RFWD3: variants seen among roughly 807,000 people sequenced by gnomAD.
RFWD3 encodes E3 ubiquitin-protein ligase RFWD3.
RFWD3 carries 65 observed loss-of-function variants against 87.7 expected under a neutral mutation model. The observed-to-expected ratio is 0.74, with a 90% CI of 0.61 to 0.91. The LOEUF is 0.91. RFWD3 is among the 40% of genes least tolerant of loss of function. The pLI is 0.00. For synonymous variants in RFWD3, 433 were observed against 352.8 expected (o/e 1.23, Z -2.55); for missense variants, 1,078 against 938.5 (o/e 1.15, Z -1.94).
intron 2 of RFWD3, among the ~76,000 whole-genome samples, chr16:74,660,089 A>G (rs1376606740): frequency 1.3e-5 from 2 of 152,076 alleles, no homozygotes; most frequent in Non-Finnish European, 2.9e-5. Context: ...AAGAAAGAGA[A>G]AACAAAGGGA....
At chr16:74,659,086 T>G (rs772644101) in intron 2 of RFWD3, among the ~76,000 whole-genome samples, 2 of 152,178 alleles carry the variant, frequency 1.3e-5, no homozygotes, top group Non-Finnish European at 2.9e-5. Context: ...TCACTAGAGT[T>G]TGGCTTCTGT....
At chr16:74,626,639 C>T (rs937383189) in intron 11 of RFWD3, 85 bp from the exon 12 acceptor site, 25 of 1,046,406 alleles carry the variant, frequency 2.4e-5, no homozygotes, top group Non-Finnish European at 2.3e-5. Context: ...CGCTTACAAC[C>T]TAGTTGGATG....
intron 12 of RFWD3, among the ~76,000 whole-genome samples, chr16:74,624,949 A>C (rs896280421): frequency 6.6e-6 from 1 of 152,156 alleles, no homozygotes; most frequent in East Asian, 1.9e-4. Flanking sequence ...TGATTGCACT[A>C]CTGCACTCCA....
chr16:74,634,392 A>G (rs1959176481), intron 8 of RFWD3, among the ~76,000 whole-genome samples: 1 of 151,572 alleles, frequency 6.6e-6, no homozygotes, highest in Admixed American at 6.6e-5. Context: ...ATATATATAT[A>G]TATATATTTT....
At chr16:74,626,311 T>C (rs1400355789) in intron 12 of RFWD3, 32 bp downstream of exon 12, 1 of 1,597,538 alleles carries the variant, frequency 6.3e-7, no homozygotes, top group East Asian at 2.2e-5. Context: ...AAAACTACTT[T>C]TTATATGAAA....
At chr16:74,662,244 G>A (rs1050156673) in intron 1 of RFWD3, among the ~76,000 whole-genome samples, 2 of 152,068 alleles carry the variant, frequency 1.3e-5, no homozygotes, top group Admixed American at 6.6e-5. Flanking sequence ...CAACAGGACT[G>A]AGCCACTGTG....
intron 6 of RFWD3, 132 bp from the exon 7 acceptor site, chr16:74,638,102 A>G: frequency 1.8e-6 from 1 of 561,854 alleles, no homozygotes; most frequent in Non-Finnish European, 3.2e-6. Flanking sequence ...TGAATAAAAT[A>G]TAAAAAGAGA....
rs200695479 is a variant in RFWD3, at chr16:74,644,626, C to T, written c.902G>A (p.Arg301Gln). The T allele has an allele frequency of 3.1e-6, 5 of 1,614,184 alleles. No homozygotes were observed. The highest frequency in any genetic ancestry group is 2.2e-5 in the South Asian group (2 of 91,084). The change falls in exon 5 of 13, where the codon CGG (arginine) becomes CAG (glutamine). Residue 301 changes from arginine (R) to glutamine (Q), a missense_variant. By Grantham distance (43) the Arg-to-Gln change is conservative (BLOSUM62 1). Coordinates refer to ENST00000361070, the MANE Select transcript of RFWD3 (RefSeq NM_018124.4). Reference sequence around the variant, plus strand: ...ATGCCCACAGCGTAATGCTGAGAGCCGGTGGTCCCCAGCATTGGTCCACTG... The same window carrying T: ...ATGCCCACAGCGTAATGCTGAGAGCTGGTGGTCCCCAGCATTGGTCCACTG... ...LEQWTNAGDH[R>Q]LSALRCGHLF...
rs770142776 is a variant in RFWD3, at chr16:74,623,039, G to C, written c.*889C>G. The stretch of plus-strand genomic sequence containing the variant: ...TCTTTTCTCCTGATCTCTGACACTA[G>C]GGGAGACTCAAGTAAAAGCTTTGAC... On this transcript the variant is annotated 3_prime_UTR_variant, in exon 13 of 13. Coordinates refer to ENST00000361070, the MANE Select transcript of RFWD3 (RefSeq NM_018124.4). The C allele has an allele frequency of 2.6e-5, 4 of 152,116 alleles. No homozygotes were observed. The highest frequency in any genetic ancestry group is 5.9e-5 in the Non-Finnish European group (4 of 68,010). 9.4% of individuals were successfully genotyped at this position (152,116 alleles called of 1,614,324 possible). A position where few individuals can be genotyped will look rare whatever the true frequency, so the allele number is the denominator to read the frequency against.
At chr16:74,628,112 C>G (rs1456656977) in intron 11 of RFWD3, among the ~76,000 whole-genome samples, 5 of 152,186 alleles carry the variant, frequency 3.3e-5, no homozygotes, top group Admixed American at 3.3e-4. Flanking sequence ...AAGTAAGAGG[C>G]AGGCAGAAGA....
intron 11 of RFWD3, among the ~76,000 whole-genome samples, 185 bp downstream of exon 11, chr16:74,628,267 C>A (rs970280774): frequency 6.6e-6 from 1 of 152,154 alleles, no homozygotes; most frequent in African/African-American, 2.4e-5. Flanking sequence ...ACGTAAGGAG[C>A]AGGGAGGCAG....
chr16:74,632,845 G>A, intron 8 of RFWD3, 172 bp from the exon 9 acceptor site: 4 of 601,510 alleles, frequency 6.6e-6, no homozygotes, highest in South Asian at 5.9e-5. Flanking sequence ...ATTTTTGAGA[G>A]TTGGCCAGGC....
At chr16:74,624,853 G>A (rs1213143775) in intron 12 of RFWD3, among the ~76,000 whole-genome samples, 1 of 152,136 alleles carries the variant, frequency 6.6e-6, no homozygotes, top group Non-Finnish European at 1.5e-5. Flanking sequence ...TTAGCCAGGT[G>A]TAGTGGTGCA....
intron 8 of RFWD3, 28 bp from the exon 9 acceptor site, chr16:74,632,701 G>A (rs1298536717): frequency 1.2e-6 from 2 of 1,610,166 alleles, no homozygotes; most frequent in East Asian, 2.2e-5. Context: ...GTATGAAATA[G>A]ATCACTGAAA....
chr16:74,651,580 G>C (rs551855980), intron 3 of RFWD3, among the ~76,000 whole-genome samples: 48 of 152,234 alleles, frequency 3.2e-4, no homozygotes, highest in Admixed American at 2.0e-3. Context: ...GATTGTTGTC[G>C]CTGCACTCCA....
rs755600679 is a variant in RFWD3 at position 74,644,418 on chromosome 16, G to C, written c.1023C>G (p.Val341=). Residue 341 remains valine, a synonymous_variant, in exon 6 of 13, where the codon GTC becomes GTG. Coordinates refer to ENST00000361070, the MANE Select transcript of RFWD3 (RefSeq NM_018124.4). ...NKKARHSDIV[V]LYARTLRALD... ...AAGCTCTCAGGGTTCGGGCATAAAG[G>C]ACGACAATGTCACTGTGCCTGGCTT... 1.4e-5 allele frequency: 22 copies of C among 1,614,074 alleles called. No individual in the cohort carries two copies. Among genetic ancestry groups the C allele is most frequent in the Non-Finnish European group, 1.9e-5 (22 of 1,180,054 alleles).
chr16:74,628,773 C>G, intron 10 of RFWD3, 107 bp from the exon 11 acceptor site: 1 of 868,900 alleles, frequency 1.2e-6, no homozygotes, highest in South Asian at 1.5e-5. Context: ...GGAGGTTAAA[C>G]GCCTTTAGTC....
Position 74,642,183 on chromosome 16 carries a change from C to T in RFWD3, c.1079+2179G>A, listed in dbSNP as rs575178504. ...TGTTGCCCAGGCTGGAGTGCAGTGG[C>T]GCAATCTCAGCTTACAGTAACCTCC... On this transcript the variant is annotated intron_variant, in intron 6 of 12. Coordinates refer to ENST00000361070, the MANE Select transcript of RFWD3 (RefSeq NM_018124.4). Among the ~76,000 whole-genome samples the T allele has an allele frequency of 4.6e-5, 7 of 152,022 alleles. No individual in the cohort carries two copies. The South Asian group carries it at 1.5e-3, about 32-fold the overall frequency.
At chr16:74,656,424 A>G (rs948822175) in intron 2 of RFWD3, among the ~76,000 whole-genome samples, 1 of 151,772 alleles carries the variant, frequency 6.6e-6, no homozygotes, top group African/African-American at 2.4e-5. Flanking sequence ...GATAGCTGCC[A>G]GTGATTCCTC....
Sources: gnomAD v4.1 joint callset for allele counts (sites outside exome capture counted in the v4.1 genomes callset) on GRCh38, gnomAD v4.1.1 for gene constraint, MANE v1.5 for transcripts, NCBI Gene and HGNC (gene_info 2026-07-23, HGNC 2026-07-21) for gene names.